The following CSMD1 variants were observed in gnomAD, a reference collection of about 807,000 sequenced individuals.
CSMD1 encodes the protein CUB and Sushi multiple domains 1, also known as CUB and sushi domain-containing protein 1.
Under a neutral mutation model 417.5 loss-of-function variants are expected in CSMD1, and 213 were observed. That is an observed-to-expected ratio of 0.51 (90% CI 0.46 to 0.57). CSMD1 has a LOEUF of 0.57. Among genes scored for constraint, CSMD1 ranks in the 20% least tolerant of loss-of-function variants. The probability of loss-of-function intolerance (pLI) is 0.00; values close to 1 mark genes in which losing one functional copy is unlikely to be tolerated. For missense variants in CSMD1, 6,923 were observed against 4,529.7 expected (o/e 1.53, Z -15.17); for synonymous variants, 2,862 against 1,736.8 (o/e 1.65, Z -16.11).
intron 12 of CSMD1, among the ~76,000 whole-genome samples, chr8:3,427,441 A>C (rs1025520819): frequency 1.3e-5 from 2 of 152,158 alleles, no homozygotes; most frequent in Non-Finnish European, 2.9e-5. Context: ...ATGATTCCAC[A>C]ATTCCTATAT....
intron 1 of CSMD1, among the ~76,000 whole-genome samples, chr8:4,743,881 T>G (rs1467815931): frequency 6.6e-6 from 1 of 152,194 alleles, no homozygotes; most frequent in Non-Finnish European, 1.5e-5. Context: ...CAAGTTCTAG[T>G]TGCTCCCTAT....
intron 1 of CSMD1, among the ~76,000 whole-genome samples, chr8:4,839,949 CAA>C (rs1385857114): frequency 3.3e-5 from 5 of 152,144 alleles, no homozygotes; most frequent in Non-Finnish European, 7.3e-5. Context: ...ACCCGGAGAC[CAA>C]AAGTCTTCAG....
At chr8:3,545,253 T>G (rs1243391175) in intron 10 of CSMD1, among the ~76,000 whole-genome samples, 2 of 152,190 alleles carry the variant, frequency 1.3e-5, no homozygotes, top group African/African-American at 4.8e-5. Flanking sequence ...TCTATGAACT[T>G]TTCTGATTTA....
At chr8:3,575,922 T>C (rs992576545) in intron 9 of CSMD1, among the ~76,000 whole-genome samples, 2 of 152,074 alleles carry the variant, frequency 1.3e-5, no homozygotes, top group African/African-American at 4.8e-5. Flanking sequence ...ATTCATAATT[T>C]AAACTGGGTT....
At chr8:4,022,273 CTT>C (rs1796828399) in intron 4 of CSMD1, among the ~76,000 whole-genome samples, 1 of 150,880 alleles carries the variant, frequency 6.6e-6, no homozygotes, top group Non-Finnish European at 1.5e-5. Flanking sequence ...TTGCTTATCT[CTT>C]ATGTATTTCA....
At chr8:4,782,240 G>C (rs116295631) in intron 1 of CSMD1, among the ~76,000 whole-genome samples, 1 of 152,150 alleles carries the variant, frequency 6.6e-6, no homozygotes, top group Admixed American at 6.5e-5. Flanking sequence ...AAAATAGCTA[G>C]AAAAGAGGGT....
At chr8:3,222,835 T>C (rs1200354669) in intron 28 of CSMD1, among the ~76,000 whole-genome samples, 2 of 152,162 alleles carry the variant, frequency 1.3e-5, no homozygotes, top group Non-Finnish European at 2.9e-5. Flanking sequence ...TTCAGAATCA[T>C]AGAAACGTAA....
chr8:4,052,916 G>C (rs769935502), intron 3 of CSMD1, among the ~76,000 whole-genome samples: 2 of 152,064 alleles, frequency 1.3e-5, no homozygotes, highest in African/African-American at 4.8e-5. Flanking sequence ...TACTGAACTA[G>C]GCGCAGAGAG....
intron 6 of CSMD1, among the ~76,000 whole-genome samples, chr8:3,709,240 T>G (rs978670945): frequency 6.6e-6 from 1 of 151,780 alleles, no homozygotes; most frequent in Non-Finnish European, 1.5e-5. Flanking sequence ...TTCTAAGCTA[T>G]CCCACACTTG....
chr8:4,253,596 G>A (rs918525768), intron 3 of CSMD1, among the ~76,000 whole-genome samples: 7 of 152,130 alleles, frequency 4.6e-5, no homozygotes, highest in African/African-American at 1.4e-4. Flanking sequence ...AAAATGAGAT[G>A]AGAAAGTATC....
intron 54 of CSMD1, among the ~76,000 whole-genome samples, chr8:2,993,992 A>AG (rs969683022): frequency 1.3e-5 from 2 of 151,228 alleles, no homozygotes; most frequent in African/African-American, 4.9e-5. Flanking sequence ...AAAAAAAAAA[A>AG]AAAGAAAAAA....
At chr8:3,952,451 G>T (rs1245922070) in intron 5 of CSMD1, among the ~76,000 whole-genome samples, 1 of 152,190 alleles carries the variant, frequency 6.6e-6, no homozygotes, top group South Asian at 2.1e-4. Context: ...TAAATTAATT[G>T]ATTCACATAC....
intron 5 of CSMD1, among the ~76,000 whole-genome samples, chr8:3,821,411 G>A (rs544787729): frequency 6.6e-6 from 1 of 152,198 alleles, no homozygotes; most frequent in Non-Finnish European, 1.5e-5. Context: ...ACACGCGCAT[G>A]TGGATTATGC....
intron 3 of CSMD1, among the ~76,000 whole-genome samples, chr8:4,066,051 G>A (rs577095593): frequency 6.6e-6 from 1 of 152,310 alleles, no homozygotes; most frequent in Admixed American, 6.5e-5. Context: ...AGAAAGGAAT[G>A]GGAAAGCCTG....
At chr8:4,897,841 A>G (rs1466091018) in intron 1 of CSMD1, among the ~76,000 whole-genome samples, 1 of 152,198 alleles carries the variant, frequency 6.6e-6, no homozygotes, top group Non-Finnish European at 1.5e-5. Flanking sequence ...TATAATGCTA[A>G]GAAGAGAAAG....
chr8:4,276,110 C>G (rs1015689808), intron 3 of CSMD1, among the ~76,000 whole-genome samples: 2 of 152,078 alleles, frequency 1.3e-5, no homozygotes, highest in Non-Finnish European at 2.9e-5. Flanking sequence ...ACCCAGCAAT[C>G]CCATTAGTGG....
intron 10 of CSMD1, among the ~76,000 whole-genome samples, chr8:3,537,504 G>C (rs569108192): frequency 8.5e-5 from 13 of 152,052 alleles, no homozygotes; most frequent in Non-Finnish European, 1.9e-4. Context: ...TAAGACATTG[G>C]TTCATAAATG....
intron 64 of CSMD1, 134 bp downstream of exon 64, chr8:2,955,455 G>A (rs775845910): frequency 6.7e-6 from 5 of 751,402 alleles, no homozygotes; most frequent in African/African-American, 3.5e-5. Flanking sequence ...CATGAAGCAC[G>A]ACTGAGGCAG....
chr8:4,032,811 C>A (rs945580840), intron 3 of CSMD1, among the ~76,000 whole-genome samples: 1 of 152,152 alleles, frequency 6.6e-6, no homozygotes, highest in East Asian at 1.9e-4. Flanking sequence ...CAAAGGCCGT[C>A]AACCATCTGA....
Sources: gnomAD v4.1 joint callset for allele counts (sites outside exome capture counted in the v4.1 genomes callset) on GRCh38, gnomAD v4.1.1 for gene constraint, MANE v1.5 for transcripts, NCBI Gene and HGNC (gene_info 2026-07-23, HGNC 2026-07-21) for gene names.